The following SIPA1L1 variants were observed in gnomAD, a reference collection of about 807,000 sequenced individuals.
The protein encoded by SIPA1L1 is signal-induced proliferation-associated 1-like protein 1.
Under a neutral mutation model 162.7 loss-of-function variants are expected in SIPA1L1, and 26 were observed. The ratio of observed to expected loss-of-function variants is 0.16; its 90% confidence interval spans 0.12 to 0.22. The LOEUF (loss-of-function observed/expected upper bound fraction) is 0.22, where lower values mean the gene tolerates loss of function less well. Among genes scored for constraint, SIPA1L1 ranks in the 10% least tolerant of loss-of-function variants. The pLI is 1.00. For synonymous variants in SIPA1L1, 829 were observed against 837.4 expected, an observed-to-expected ratio of 0.99 and a Z score of 0.17; for missense variants, 1,874 against 2,241.0, an observed-to-expected ratio of 0.84 and a Z score of 3.31.
chr14:71,321,632 C>T (rs1398221597), intron 2 of SIPA1L1: 1 of 152,302 alleles, frequency 6.6e-6, no homozygotes, highest in African/African-American at 2.4e-5. Context: ...TTAATTTCCC[C>T]TTTGGGGGTC....
intron 2 of SIPA1L1, among the ~76,000 whole-genome samples, chr14:71,469,428 C>G (rs1287701540): frequency 6.6e-6 from 1 of 152,142 alleles, no homozygotes; most frequent in South Asian, 2.1e-4. Context: ...ATCCCCTTCC[C>G]CCACATTATG....
intron 2 of SIPA1L1, among the ~76,000 whole-genome samples, chr14:71,445,269 G>T (rs992510784): frequency 6.6e-6 from 1 of 152,148 alleles, no homozygotes; most frequent in Non-Finnish European, 1.5e-5. Context: ...GATATGTAGA[G>T]AACTCTCAAT....
intron 2 of SIPA1L1, among the ~76,000 whole-genome samples, chr14:71,372,117 G>C (rs2038945774): frequency 6.6e-6 from 1 of 152,158 alleles, no homozygotes; most frequent in Non-Finnish European, 1.5e-5. Flanking sequence ...ATTTTTTAAA[G>C]GACATGTTTT....
chr14:71,634,584 G>A (rs138854610), intron 7 of SIPA1L1, among the ~76,000 whole-genome samples: 38 of 152,050 alleles, frequency 2.5e-4, no homozygotes, highest in African/African-American at 8.9e-4. Flanking sequence ...ATGAAATTGA[G>A]ACATTCTCAG....
chr14:71,730,110 G>A lies in SIPA1L1; in HGVS notation c.4670G>A (p.Arg1557Gln), dbSNP rs112095928. 27 of 1,613,914 alleles carry A rather than the reference G, an allele frequency of 1.7e-5. No individual in the cohort carries two copies. The highest frequency in any genetic ancestry group is 2.0e-5 in the Non-Finnish European group (24 of 1,180,002). The change falls in exon 20 of 24, where the codon CGG (arginine) becomes CAG (glutamine). Residue 1557 changes from arginine (R) to glutamine (Q), a missense_variant. Physicochemically the swap from Arg to Gln is conservative, Grantham distance 43 (BLOSUM62 1). This residue lies in a region of SIPA1L1 where 936 missense variants were observed against 1,051.9 expected (regional missense o/e 0.89). Coordinates refer to ENST00000381232, the MANE Select transcript of SIPA1L1 (RefSeq NM_001386936.1). ...SPFPSTPTSR[R>Q]ALHRTLSDES... ...TTCCCCAGCACCCCCACCTCACGGC[G>A]GGCCTTGCACAGAACACTGTCGGAC...
At chr14:71,731,812 TC>T (rs1597285248) in intron 20 of SIPA1L1, among the ~76,000 whole-genome samples, 1 of 152,324 alleles carries the variant, frequency 6.6e-6, no homozygotes, top group East Asian at 1.9e-4. Flanking sequence ...CTGAGCCCCT[TC>T]CCTTCACTTT....
intron 2 of SIPA1L1, among the ~76,000 whole-genome samples, chr14:71,376,907 C>G (rs1337244394): frequency 6.6e-6 from 1 of 152,166 alleles, no homozygotes; most frequent in Non-Finnish European, 1.5e-5. Context: ...TAGTACAGAA[C>G]AAAATGGAGT....
intron 19 of SIPA1L1, among the ~76,000 whole-genome samples, chr14:71,728,730 C>A (rs1165400329): frequency 4.6e-5 from 7 of 152,170 alleles, no homozygotes; most frequent in Non-Finnish European, 8.8e-5. Flanking sequence ...GCAGTGACAC[C>A]CTCCTCACAT....
chr14:71,331,156 T>C (rs2034490333), intron 2 of SIPA1L1, among the ~76,000 whole-genome samples: 1 of 152,258 alleles, frequency 6.6e-6, no homozygotes, highest in Non-Finnish European at 1.5e-5. Context: ...TTGAGAAGAC[T>C]GTCCTTTCCT....
chr14:71,497,126 G>A lies in SIPA1L1; in HGVS notation c.-464-15617G>A, dbSNP rs562194633. Among the ~76,000 whole-genome samples the A allele has an allele frequency of 9.9e-5, 15 of 152,088 alleles. No homozygotes were observed. In the East Asian group the frequency reaches 1.9e-3, roughly 20 times the overall value. On this transcript the variant is annotated intron_variant, in intron 2 of 23. Transcript: ENST00000381232. ...AGAGGTTGCAGTGAGCTGAGATCAC[G>A]CCACTGCACTCCAGCCTGGGCAACA...
In SIPA1L1 at chr14:71,419,238, T is replaced by G. The variant is rs1595365069; in HGVS notation, c.-464-93505T>G. On this transcript the variant is annotated intron_variant, in intron 2 of 23. Coordinates refer to ENST00000381232, the MANE Select transcript of SIPA1L1 (RefSeq NM_001386936.1). Reference sequence around the variant, plus strand: ...ACGGACTTTGTTTTCTTTCAGGGTTTTTTTTTTTTTTAAGTCTATAGCTTA... The same window carrying G: ...ACGGACTTTGTTTTCTTTCAGGGTTGTTTTTTTTTTTAAGTCTATAGCTTA... 4.0e-5 allele frequency among the ~76,000 whole-genome samples: 6 copies of G among 151,788 alleles called. No homozygotes were observed. The South Asian group carries it at 1.0e-3, about 26-fold the overall frequency.
At chr14:71,336,409 T>C (rs1294664426) in intron 2 of SIPA1L1, among the ~76,000 whole-genome samples, 1 of 152,172 alleles carries the variant, frequency 6.6e-6, no homozygotes. Context: ...CTAACCTACT[T>C]TCTGTCTTTA....
intron 13 of SIPA1L1, among the ~76,000 whole-genome samples, chr14:71,695,643 CT>C (rs2081570937): frequency 6.6e-6 from 1 of 152,110 alleles, no homozygotes; most frequent in Non-Finnish European, 1.5e-5. Flanking sequence ...TTGTTTACCC[CT>C]AAGTCAAAAA....
chr14:71,618,914 G>T, intron 6 of SIPA1L1, 27 bp downstream of exon 6: 3 of 1,606,442 alleles, frequency 1.9e-6, no homozygotes, highest in Non-Finnish European at 2.6e-6. Flanking sequence ...AGAGGTTTGA[G>T]GTTTAACTGA....
intron 2 of SIPA1L1, among the ~76,000 whole-genome samples, chr14:71,372,234 T>C (rs990851564): frequency 2.6e-5 from 4 of 152,118 alleles, no homozygotes; most frequent in Admixed American, 6.5e-5. Context: ...CAGGAAGCAA[T>C]TGGGTGGTAA....
chr14:71,694,377 A>G (rs751837174), intron 13 of SIPA1L1, among the ~76,000 whole-genome samples: 4 of 152,148 alleles, frequency 2.6e-5, no homozygotes, highest in Non-Finnish European at 4.4e-5. Flanking sequence ...AGTGAAGTGC[A>G]TTGCATATAA....
intron 14 of SIPA1L1, 90 bp downstream of exon 14, chr14:71,699,217 C>T (rs2081899874): frequency 5.6e-6 from 7 of 1,248,572 alleles, no homozygotes; most frequent in South Asian, 1.3e-5. Context: ...TTCCATTCAG[C>T]CAGCCTTGAT....
chr14:71,609,591 C>G (rs990089487), intron 5 of SIPA1L1, among the ~76,000 whole-genome samples: 1 of 151,998 alleles, frequency 6.6e-6, no homozygotes, highest in Non-Finnish European at 1.5e-5. Context: ...CTCAGCCTCT[C>G]AAGTAGCTGG....
At chr14:71,451,238 G>T (rs1428531044) in intron 2 of SIPA1L1, among the ~76,000 whole-genome samples, 1 of 152,008 alleles carries the variant, frequency 6.6e-6, no homozygotes, top group African/African-American at 2.4e-5. Context: ...CAGGGAGAAG[G>T]GGGGATAGTG....
Sources: allele counts gnomAD v4.1 joint callset (sites outside exome capture counted in the v4.1 genomes callset), GRCh38; gene constraint gnomAD v4.1.1; regional missense constraint gnomAD v4.1.1; transcripts MANE v1.5; gene names NCBI Gene and HGNC (gene_info 2026-07-23, HGNC 2026-07-21).